KIFAP3: variants seen among roughly 807,000 people sequenced by gnomAD.
KIFAP3 encodes kinesin-associated protein 3.
A neutral mutation model predicts 106.5 loss-of-function variants in KIFAP3; 68 were observed. The ratio of observed to expected loss-of-function variants is 0.64; its 90% CI spans 0.53 to 0.78. The LOEUF (loss-of-function observed/expected upper bound fraction) is 0.78, where lower values mean the gene tolerates loss of function less well. Among genes scored for constraint, KIFAP3 ranks in the 30% least tolerant of loss-of-function variants. KIFAP3 has a pLI of 0.00. For missense variants in KIFAP3, 780 were observed against 941.8 expected, an observed-to-expected ratio of 0.83 and a Z score of 2.25; for synonymous variants, 320 against 311.5, an observed-to-expected ratio of 1.03 and a Z score of -0.29.
chr1:170,048,349 T>C (rs1670376127), intron 2 of KIFAP3, among the ~76,000 whole-genome samples: 1 of 151,816 alleles, frequency 6.6e-6, no homozygotes. Flanking sequence ...TTTTATTATA[T>C]TTTTATATAG....
chr1:170,008,012 A>G (rs1047979023), intron 10 of KIFAP3, among the ~76,000 whole-genome samples: 11 of 152,176 alleles, frequency 7.2e-5, no homozygotes, highest in Admixed American at 7.2e-4. Context: ...AAAACATACA[A>G]TGGGGAAAGG....
chr1:169,988,331 T>C (rs1220853725), intron 11 of KIFAP3, among the ~76,000 whole-genome samples: 1 of 152,028 alleles, frequency 6.6e-6, no homozygotes, highest in Non-Finnish European at 1.5e-5. Context: ...TTTATAAAGC[T>C]CCTTTAATAT....
chr1:169,924,529 A>G (rs1471608992), intron 19 of KIFAP3, among the ~76,000 whole-genome samples: 1 of 152,204 alleles, frequency 6.6e-6, no homozygotes, highest in Non-Finnish European at 1.5e-5. Context: ...ACTTTGACAT[A>G]GGTCCTAGGT....
chr1:170,082,711 A>G (rs1342295454), intron 1 of KIFAP3, among the ~76,000 whole-genome samples: 2 of 152,142 alleles, frequency 1.3e-5, no homozygotes, highest in African/African-American at 4.8e-5. Context: ...GGTGGTTTAT[A>G]CCTGTAATCC....
chr1:170,001,109 AT>A (rs1349995569), intron 10 of KIFAP3, among the ~76,000 whole-genome samples: 2 of 152,034 alleles, frequency 1.3e-5, no homozygotes, highest in Non-Finnish European at 2.9e-5. Context: ...CACACAGCTT[AT>A]TTTTCATCAT....
chr1:169,995,559 TAAAAGAAACA>T (rs1667328813), intron 10 of KIFAP3, among the ~76,000 whole-genome samples: 1 of 151,974 alleles, frequency 6.6e-6, no homozygotes, highest in Non-Finnish European at 1.5e-5. Flanking sequence ...TATTAAATGG[TAAAAGAAACA>T]AAGAGAAATC....
intron 8 of KIFAP3, among the ~76,000 whole-genome samples, chr1:170,029,861 C>A (rs1262958916): frequency 6.6e-6 from 1 of 151,858 alleles, no homozygotes. Flanking sequence ...AGATATAAAT[C>A]AATTCAGTAG....
chr1:170,073,268 C>T (rs1671784309), intron 1 of KIFAP3, among the ~76,000 whole-genome samples: 3 of 152,156 alleles, frequency 2.0e-5, no homozygotes, highest in Admixed American at 2.0e-4. Context: ...AAAATTTTTA[C>T]TGACAAAGTC....
chr1:169,923,707 G>A (rs1285953510), intron 19 of KIFAP3, among the ~76,000 whole-genome samples: 1 of 152,170 alleles, frequency 6.6e-6, no homozygotes, highest in African/African-American at 2.4e-5. Flanking sequence ...ACATGCAAAG[G>A]CACCTTCAGA....
intron 18 of KIFAP3, among the ~76,000 whole-genome samples, chr1:169,954,571 G>T (rs576089445): frequency 6.6e-6 from 1 of 152,106 alleles, no homozygotes; most frequent in Admixed American, 6.5e-5. Flanking sequence ...AGCATGATTA[G>T]GGAATCAGAT....
chr1:170,060,015 A>C (rs1671054760), intron 1 of KIFAP3, among the ~76,000 whole-genome samples: 2 of 152,146 alleles, frequency 1.3e-5, no homozygotes, highest in South Asian at 2.1e-4. Flanking sequence ...TGGGACGTAT[A>C]TCAAAATAGT....
chr1:170,040,366 A>G (rs188875690), intron 3 of KIFAP3, among the ~76,000 whole-genome samples: 8 of 152,304 alleles, frequency 5.3e-5, no homozygotes, highest in African/African-American at 1.9e-4. Flanking sequence ...TATATCTTCA[A>G]TTATTAATAA....
intron 1 of KIFAP3, among the ~76,000 whole-genome samples, chr1:170,066,442 C>T (rs1671450253): frequency 6.6e-6 from 1 of 152,036 alleles, no homozygotes; most frequent in Non-Finnish European, 1.5e-5. Context: ...CAAACCAATG[C>T]ACCTTCTAAG....
chr1:170,071,307 C>A (rs1457447719), intron 1 of KIFAP3, among the ~76,000 whole-genome samples: 1 of 152,090 alleles, frequency 6.6e-6, no homozygotes, highest in East Asian at 1.9e-4. Flanking sequence ...GCTTTATTCC[C>A]AATAGCCAAT....
At chr1:170,074,856 G>GC, upstream of KIFAP3, 1 of 646,512 alleles carries the variant, frequency 1.5e-6, no homozygotes, top group Non-Finnish European at 2.0e-6. Context: ...CGTAGTCACC[G>GC]CCCCCTTGAG....
In KIFAP3 at chr1:170,039,885, G is replaced by C. The variant is rs556926885; in HGVS notation, c.320-597C>G. Among the ~76,000 whole-genome samples the C allele has an allele frequency of 2.6e-5, 4 of 152,156 alleles. No individual in the cohort carries two copies. The South Asian group carries it at 8.3e-4, about 32-fold the overall frequency. On this transcript the variant is annotated intron_variant, in intron 3 of 19. Transcript: ENST00000361580. ...AGGTATCCAAAGGTGTTGAACACAA[G>C]TTTGAGCCATTCGTTTATATTGAAT...
At chr1:169,986,846 C>T (rs1402762154) in intron 11 of KIFAP3, among the ~76,000 whole-genome samples, 1 of 151,858 alleles carries the variant, frequency 6.6e-6, no homozygotes, top group Non-Finnish European at 1.5e-5. Context: ...GCCTTAAACA[C>T]AGGGCTACAG....
chr1:170,019,731 T>C (rs908107023), intron 9 of KIFAP3, among the ~76,000 whole-genome samples: 4 of 152,180 alleles, frequency 2.6e-5, no homozygotes, highest in African/African-American at 9.7e-5. Context: ...GTTAACATCA[T>C]GCTCAATAGT....
chr1:169,924,749 C>A (rs1482970119), intron 19 of KIFAP3, among the ~76,000 whole-genome samples: 1 of 152,162 alleles, frequency 6.6e-6, no homozygotes. Context: ...TACAGCCTTG[C>A]TAATGCTGAG....
Sources: gnomAD v4.1 joint callset for allele counts (sites outside exome capture counted in the v4.1 genomes callset) on GRCh38, gnomAD v4.1.1 for gene constraint, MANE v1.5 for transcripts, NCBI Gene and HGNC (gene_info 2026-07-23, HGNC 2026-07-21) for gene names.